The following COL5A2 variants were observed in gnomAD, a reference collection of about 807,000 sequenced individuals.
The protein encoded by COL5A2 is collagen alpha-2(V) chain.
Under a neutral mutation model 208.2 loss-of-function variants are expected in COL5A2, and 23 were observed. The ratio of observed to expected loss-of-function variants is 0.11; its 90% CI spans 0.08 to 0.16. COL5A2 has a LOEUF of 0.16. COL5A2 is among the 10% of genes least tolerant of loss of function. The probability of loss-of-function intolerance (pLI) is 1.00; values close to 1 mark genes in which losing one functional copy is unlikely to be tolerated. For synonymous variants in COL5A2, 625 were observed against 628.5 expected (o/e 0.99, Z 0.08); for missense variants, 1,590 against 1,956.4 (o/e 0.81, Z 3.53).
At chr2:189,061,170 A>G (rs1242035450) in intron 30 of COL5A2, among the ~76,000 whole-genome samples, 4 of 152,178 alleles carry the variant, frequency 2.6e-5, no homozygotes, top group Admixed American at 2.6e-4. Flanking sequence ...TAAATAATGT[A>G]CATACTGATA....
At chr2:189,048,114 G>T in intron 45 of COL5A2, 95 bp downstream of exon 45, 2 of 1,096,546 alleles carry the variant, frequency 1.8e-6, no homozygotes, top group Non-Finnish European at 1.4e-6. Flanking sequence ...GAAGTGTATT[G>T]GAACTATCAG....
chr2:189,154,915 A>T (rs1191172318), intron 1 of COL5A2, among the ~76,000 whole-genome samples: 1 of 152,184 alleles, frequency 6.6e-6, no homozygotes, highest in East Asian at 1.9e-4. Context: ...TGAATGAATA[A>T]ATTAGTGGTT....
At chr2:189,270,828 G>A in the COL5A2 span, among the ~76,000 whole-genome samples, 5 of 152,076 alleles carry the variant, frequency 3.3e-5, no homozygotes, top group Non-Finnish European at 7.4e-5. Flanking sequence ...CAAAATCAAT[G>A]TGAAAAAATC....
chr2:189,112,074 G>C (rs1286835046), intron 1 of COL5A2, among the ~76,000 whole-genome samples: 1 of 151,968 alleles, frequency 6.6e-6, no homozygotes, highest in East Asian at 1.9e-4. Flanking sequence ...TGTTTGCCAG[G>C]CTGGTCTCCT....
chr2:189,203,937 G>A (rs1689111025), intron 1 of COL5A2, among the ~76,000 whole-genome samples: 2 of 150,166 alleles, frequency 1.3e-5, no homozygotes, highest in East Asian at 2.0e-4. Flanking sequence ...TCGCTCTGTC[G>A]CCCAGGCTGG....
At chr2:189,103,414 T>C (rs1229178254) in intron 3 of COL5A2, among the ~76,000 whole-genome samples, 2 of 152,052 alleles carry the variant, frequency 1.3e-5, no homozygotes, top group Non-Finnish European at 2.9e-5. Context: ...TGTTATCTGA[T>C]AAATCATTTT....
At chr2:189,433,033 G>A in the COL5A2 span, among the ~76,000 whole-genome samples, 9 of 152,102 alleles carry the variant, frequency 5.9e-5, no homozygotes, top group African/African-American at 1.7e-4. Flanking sequence ...AAACTCACTC[G>A]AAACCGTGCA....
the COL5A2 span, among the ~76,000 whole-genome samples, chr2:189,354,192 T>C: frequency 3.9e-5 from 6 of 152,200 alleles, no homozygotes; most frequent in Non-Finnish European, 7.3e-5. Context: ...CAGTATTTTA[T>C]TGAGGATTTT....
chr2:189,398,441 A>G, the COL5A2 span, among the ~76,000 whole-genome samples: 1 of 152,140 alleles, frequency 6.6e-6, no homozygotes, highest in Non-Finnish European at 1.5e-5. Context: ...TTCTGAAGCT[A>G]TTCCATTTGA....
At chr2:189,060,369 A>T (rs1686001670) in intron 31 of COL5A2, among the ~76,000 whole-genome samples, 1 of 152,076 alleles carries the variant, frequency 6.6e-6, no homozygotes, top group Non-Finnish European at 1.5e-5. Context: ...TGATTAAATG[A>T]ACAAATGAAT....
chr2:189,243,850 A>G, the COL5A2 span, among the ~76,000 whole-genome samples: 134 of 152,328 alleles, frequency 8.8e-4, 1 homozygote, highest in African/African-American at 2.8e-3. Flanking sequence ...CAGGCATTGG[A>G]TAAATACGGC....
intron 51 of COL5A2, 57 bp from the exon 52 acceptor site, chr2:189,036,860 G>A (rs1685453336): frequency 7.8e-7 from 1 of 1,284,924 alleles, no homozygotes; most frequent in Non-Finnish European, 1.1e-6. Flanking sequence ...ATGACTATAA[G>A]TCTCCAAAAG....
chr2:189,223,674 A>G (rs573826198), intron 1 of COL5A2, among the ~76,000 whole-genome samples: 1 of 152,314 alleles, frequency 6.6e-6, no homozygotes, highest in South Asian at 2.1e-4. Context: ...AAAATCTTTC[A>G]AACATGATGA....
chr2:189,132,123 T>C (rs1039523110), intron 1 of COL5A2, among the ~76,000 whole-genome samples: 5 of 152,232 alleles, frequency 3.3e-5, no homozygotes, highest in African/African-American at 9.6e-5. Context: ...TAATTAAACA[T>C]AGTCATGGCA....
chr2:189,041,376 T>A (rs954978509), intron 50 of COL5A2, among the ~76,000 whole-genome samples: 4 of 152,220 alleles, frequency 2.6e-5, no homozygotes, highest in Admixed American at 2.0e-4. Context: ...ATTATGTTAA[T>A]GTCTGGGTAG....
At chr2:189,154,072 T>A (rs1688197899) in intron 1 of COL5A2, among the ~76,000 whole-genome samples, 1 of 152,096 alleles carries the variant, frequency 6.6e-6, no homozygotes, top group Non-Finnish European at 1.5e-5. Context: ...TGTCTTGAAG[T>A]AATACATTTT....
rs182066180 is a variant in COL5A2 at position 189,131,361 on chromosome 2, C to A, written c.98-20912G>T. 1.3e-3 allele frequency among the ~76,000 whole-genome samples: 192 copies of A among 152,144 alleles called. 1 individual carries two copies. Among genetic ancestry groups the A allele is most frequent in the Admixed American group, 7.8e-3 (119 of 15,290 alleles). Reference sequence around the variant, plus strand: ...TCCCAGCAAATAAAATGCAAAGCATCAAAAAGGTTTTTTTCTTCTTAAACT... The same window carrying A: ...TCCCAGCAAATAAAATGCAAAGCATAAAAAAGGTTTTTTTCTTCTTAAACT... On this transcript the variant is annotated intron_variant, in intron 1 of 53. Coordinates refer to ENST00000374866, the MANE Select transcript of COL5A2 (RefSeq NM_000393.5).
At chr2:189,403,019 A>T in the COL5A2 span, among the ~76,000 whole-genome samples, 1 of 152,314 alleles carries the variant, frequency 6.6e-6, no homozygotes, top group East Asian at 1.9e-4. Context: ...CGTTTCCATG[A>T]TACTGATTCT....
the COL5A2 span, among the ~76,000 whole-genome samples, chr2:189,293,118 T>C: frequency 1.5e-5 from 2 of 129,878 alleles, no homozygotes; most frequent in South Asian, 2.5e-4. Flanking sequence ...GTGGGGGGAG[T>C]GGGGAGGGAT....
Sources: gnomAD v4.1 joint callset for allele counts (sites outside exome capture counted in the v4.1 genomes callset) on GRCh38, gnomAD v4.1.1 for gene constraint, MANE v1.5 for transcripts, NCBI Gene and HGNC (gene_info 2026-07-23, HGNC 2026-07-21) for gene names.